Variants in NBL1 observed in about 807,000 individuals in gnomAD.
The protein encoded by NBL1 is NBL1, DAN family BMP antagonist.
Under a neutral mutation model 16.0 loss-of-function variants are expected in NBL1, and 9 were observed. That is an observed-to-expected ratio of 0.56 (90% CI 0.34 to 0.98). The LOEUF is 0.98. Among genes scored for constraint, NBL1 ranks in the 50% least tolerant of loss-of-function variants. The pLI, the probability that NBL1 is intolerant of heterozygous loss-of-function variation, is 0.02. For missense variants in NBL1, 196 were observed against 243.1 expected, an observed-to-expected ratio of 0.81 and a Z score of 1.29; for synonymous variants, 86 against 100.7, an observed-to-expected ratio of 0.85 and a Z score of 0.87.
intron 1 of NBL1, among the ~76,000 whole-genome samples, chr1:19,653,915 A>G (rs2095041824): frequency 6.6e-6 from 1 of 152,184 alleles, no homozygotes; most frequent in East Asian, 1.9e-4. Flanking sequence ...ACTCCATCCT[A>G]TAGCAGGGGA....
intron 1 of NBL1, chr1:19,645,382 G>A: frequency 1.0e-6 from 1 of 986,394 alleles, no homozygotes; most frequent in Non-Finnish European, 1.2e-6. Flanking sequence ...GTTTACAAGC[G>A]GCGGCAAAGG....
chr1:19,643,440 G>T, upstream of NBL1: 1 of 1,609,862 alleles, frequency 6.2e-7, no homozygotes. The surrounding 1 kb of genome is among the most constrained non-coding windows in gnomAD (Gnocchi z 4.7). Context: ...CTACAATCGT[G>T]TCCCAGTGGT....
chr1:19,653,649 A>G (rs2100434737), intron 1 of NBL1, among the ~76,000 whole-genome samples: 1 of 152,338 alleles, frequency 6.6e-6, no homozygotes, highest in Non-Finnish European at 1.5e-5. Context: ...GTGGTGGGGA[A>G]ACAGGTCTGA....
chr1:19,651,347 C>T (rs1173813731), intron 1 of NBL1, among the ~76,000 whole-genome samples: 3 of 152,182 alleles, frequency 2.0e-5, no homozygotes, highest in Non-Finnish European at 4.4e-5. Context: ...CCTCTGTGGA[C>T]ACAGCTGGCC....
chr1:19,655,899 C>T (rs1018755420), intron 3 of NBL1, among the ~76,000 whole-genome samples: 1 of 152,158 alleles, frequency 6.6e-6, no homozygotes, highest in Non-Finnish European at 1.5e-5. Flanking sequence ...TGTTCTTTTC[C>T]CTGCTTGGAA....
rs2094990381 is a variant in NBL1 at position 19,647,782 on chromosome 1, G to A, written c.-20+3336G>A. ...GGAGAGCCCTGCCCTTTCCACCGAG[G>A]ATTTGTCAGCCCTGCCCTCCACGGC... On this transcript the variant is annotated intron_variant, in intron 1 of 3. Coordinates refer to ENST00000375136, the MANE Select transcript of NBL1 (RefSeq NM_005380.8). The A allele has an allele frequency of 5.0e-6, 3 of 603,088 alleles. No individual in the cohort carries two copies. In the Admixed American group the frequency reaches 1.9e-4, roughly 38 times the overall value. The allele number at this position is 603,088 out of a possible 1,614,324, so 37.4% of individuals were successfully genotyped here.
chr1:19,649,393 C>G (rs1373151035), intron 1 of NBL1, among the ~76,000 whole-genome samples: 1 of 152,032 alleles, frequency 6.6e-6, no homozygotes, highest in African/African-American at 2.4e-5. Flanking sequence ...AAGTCTCGCT[C>G]TGTCCCCCAG....
chr1:19,655,022 G>A lies in NBL1; in HGVS notation c.-9G>A. On this transcript the variant is annotated 5_prime_UTR_variant, in exon 2 of 4. Coordinates refer to ENST00000375136, the MANE Select transcript of NBL1 (RefSeq NM_005380.8). ...TGTGCTCCGTTCTAGGGCTCTGGAG[G>A]CCACGGGCATGATGCTTCGGGTCCT... 2 of 1,601,192 alleles carry A rather than the reference G, an allele frequency of 1.2e-6. No homozygotes were observed. The highest frequency in any genetic ancestry group is 1.7e-6 in the Non-Finnish European group (2 of 1,174,976).
At chr1:19,648,095 T>C (rs1380653316) in intron 1 of NBL1, among the ~76,000 whole-genome samples, 1 of 152,106 alleles carries the variant, frequency 6.6e-6, no homozygotes, top group Non-Finnish European at 1.5e-5. Context: ...ACCTTGAATA[T>C]TCAGACTTAA....
rs569119168 is a variant in NBL1, at chr1:19,645,392, G to C, written c.-20+946G>C. ...TGATCGTTTACAAGCGGCGGCAAAG[G>C]GGGCAGCCGCCTGCCTTGGCGTGGC... On this transcript the variant is annotated intron_variant, in intron 1 of 3. Transcript: ENST00000375136. 2.9e-5 allele frequency: 29 copies of C among 986,428 alleles called. 1 individual carries two copies. In the South Asian group the frequency reaches 1.3e-3, roughly 45 times the overall value. The allele number at this position is 986,428 out of a possible 1,614,324, so 61.1% of individuals were successfully genotyped here.
chr1:19,645,682 A>G, intron 1 of NBL1: 1 of 1,219,780 alleles, frequency 8.2e-7, no homozygotes, highest in South Asian at 1.9e-5. Flanking sequence ...TTGGGGCCAA[A>G]GAAAAGGCGA....
At position 19,657,173 on chromosome 1, in the gene NBL1, T is replaced by C; in HGVS notation, c.*44T>C. Reference sequence around the variant, plus strand: ...TCCCCTCTCATCCCCCTGTGGAATGTTGGGTCTCACTCTCTGGGGAAGTCA... The same window carrying C: ...TCCCCTCTCATCCCCCTGTGGAATGCTGGGTCTCACTCTCTGGGGAAGTCA... On this transcript the variant is annotated 3_prime_UTR_variant, in exon 4 of 4. Coordinates refer to ENST00000375136, the MANE Select transcript of NBL1 (RefSeq NM_005380.8). 1 of 899,744 alleles carries C rather than the reference T, an allele frequency of 1.1e-6. No individual in the cohort carries two copies. The highest frequency in any genetic ancestry group is 1.7e-6 in the Non-Finnish European group (1 of 598,036). 55.7% of individuals were successfully genotyped at this position (899,744 alleles called of 1,614,324 possible).
rs143294488 is a variant in NBL1, at chr1:19,649,592, C to A, written c.-20+5146C>A. Among the ~76,000 whole-genome samples, 555 of 152,172 alleles carry A rather than the reference C, an allele frequency of 3.6e-3. 1 individual carries two copies. The highest frequency in any genetic ancestry group is 0.013 in the African/African-American group (522 of 41,500). Reference sequence around the variant, plus strand: ...CAGGCTGGTCTCGAACTCCTGACCTCAAGTGATCTGCCACCTCGATCTCCC... The same window carrying A: ...CAGGCTGGTCTCGAACTCCTGACCTAAAGTGATCTGCCACCTCGATCTCCC... On this transcript the variant is annotated intron_variant, in intron 1 of 3. Transcript: ENST00000375136.
At chr1:19,643,492 A>C, upstream of NBL1, 4 of 1,550,660 alleles carry the variant, frequency 2.6e-6, no homozygotes, top group Non-Finnish European at 3.5e-6. This position sits in a 1 kb window ranked among gnomAD's most constrained non-coding sequence, Gnocchi z 4.7. Context: ...TTATTTTCTC[A>C]CCCCGTTGTT....
rs2095065824 is a variant in NBL1 at position 19,658,088 on chromosome 1, C to T, written c.*959C>T. Reference sequence around the variant, plus strand: ...CCAGAGGCCCTAGGCGGGATGGGCTCGCTGAACCTCGAGGAACTCCAGGAC... The same window carrying T: ...CCAGAGGCCCTAGGCGGGATGGGCTTGCTGAACCTCGAGGAACTCCAGGAC... On this transcript the variant is annotated 3_prime_UTR_variant, in exon 4 of 4. Coordinates refer to ENST00000375136, the MANE Select transcript of NBL1 (RefSeq NM_005380.8). 1 of 152,880 alleles carries T rather than the reference C, an allele frequency of 6.5e-6. No homozygotes were observed. Among genetic ancestry groups the T allele is most frequent in the Middle Eastern group, 3.4e-3 (1 of 294 alleles). The allele number at this position is 152,880 out of a possible 1,614,324, so 9.5% of individuals were successfully genotyped here.
At chr1:19,648,884 C>T (rs1329154919) in intron 1 of NBL1, among the ~76,000 whole-genome samples, 1 of 152,106 alleles carries the variant, frequency 6.6e-6, no homozygotes, top group East Asian at 1.9e-4. Context: ...TACCAGGGCT[C>T]CAAGAGCCAG....
chr1:19,647,882 T>TGTGTGTGTGTGTGTGC (rs1273943458), intron 1 of NBL1, among the ~76,000 whole-genome samples: 127 of 137,078 alleles, frequency 9.3e-4, no homozygotes, highest in Non-Finnish European at 1.6e-3. Context: ...TGTGTGTGTG[T>TGTGTGTGTGTGTGTGC]GCGTGTGCGC....
At chr1:19,648,616 G>A (rs1023469768) in intron 1 of NBL1, among the ~76,000 whole-genome samples, 2 of 152,216 alleles carry the variant, frequency 1.3e-5, no homozygotes, top group South Asian at 2.1e-4. Flanking sequence ...CTACGGGTGG[G>A]TCACTTCCTT....
intron 1 of NBL1, chr1:19,645,901 G>T (rs886717038): frequency 3.6e-5 from 56 of 1,547,560 alleles, no homozygotes; most frequent in Non-Finnish European, 4.4e-5. Context: ...GAGGCTGCCG[G>T]AGCGGGCAGG....
Sources: gnomAD v4.1 joint callset for allele counts (sites outside exome capture counted in the v4.1 genomes callset) on GRCh38, gnomAD v4.1.1 for gene constraint, Gnocchi (gnomAD v3.1) non-coding constraint, MANE v1.5 for transcripts, NCBI Gene and HGNC (gene_info 2026-07-23, HGNC 2026-07-21) for gene names.